Variants in SEMA4D observed in about 807,000 individuals in gnomAD.
SEMA4D encodes semaphorin 4D.
In SEMA4D, 22 loss-of-function variants were observed where a neutral mutation model predicts 74.8. The observed-to-expected ratio is 0.29, with a 90% confidence interval of 0.21 to 0.42. The LOEUF (loss-of-function observed/expected upper bound fraction) is 0.42, where lower values mean the gene tolerates loss of function less well. Among genes scored for constraint, SEMA4D ranks in the 10% least tolerant of loss-of-function variants. SEMA4D has a pLI of 1.00. For missense variants in SEMA4D, 937 were observed against 1,118.4 expected (o/e 0.84, Z 2.31); for synonymous variants, 445 against 463.7 (o/e 0.96, Z 0.52).
intron 2 of SEMA4D, among the ~76,000 whole-genome samples, chr9:89,451,725 G>T (rs1854550994): frequency 2.0e-5 from 3 of 151,770 alleles, no homozygotes; most frequent in Non-Finnish European, 4.4e-5. Context: ...TAAACACATT[G>T]AAAATGAAAT....
chr9:89,459,973 C>T (rs1361888305), intron 1 of SEMA4D, among the ~76,000 whole-genome samples: 1 of 152,162 alleles, frequency 6.6e-6, no homozygotes, highest in African/African-American at 2.4e-5. Flanking sequence ...CTCTGCGTTC[C>T]AGAAACAACT....
In SEMA4D at chr9:89,403,030, G is replaced by A; in HGVS notation, c.107-14C>T. 2 of 1,599,652 alleles carry A rather than the reference G, an allele frequency of 1.3e-6. No homozygotes were observed. Among genetic ancestry groups the A allele is most frequent in the South Asian group, 1.1e-5 (1 of 90,770 alleles). On this transcript the variant is annotated splice_polypyrimidine_tract_variant and intron_variant, in intron 3 of 15. Transcript: ENST00000422704. ...CCAGGTGCACCTCTGTGGGATGCAA[G>A]GGCAGGGTCAGAGTGGGAGGAAGAA...
intron 1 of SEMA4D, among the ~76,000 whole-genome samples, chr9:89,457,134 C>G (rs576163244): frequency 8.5e-5 from 13 of 152,226 alleles, no homozygotes; most frequent in African/African-American, 2.9e-4. Context: ...GCAGGATGGT[C>G]GCTTTCATCT....
chr9:89,373,404 T>C (rs910129615), downstream of SEMA4D, among the ~76,000 whole-genome samples: 3 of 151,976 alleles, frequency 2.0e-5, no homozygotes, highest in African/African-American at 7.3e-5. Flanking sequence ...ATCTCCTGGG[T>C]GACACATGGG....
intron 6 of SEMA4D, among the ~76,000 whole-genome samples, chr9:89,394,492 A>G (rs1270539741): frequency 6.6e-6 from 1 of 152,248 alleles, no homozygotes; most frequent in Non-Finnish European, 1.5e-5. Context: ...GACAGCACAG[A>G]CGAGAGAGGG....
intron 2 of SEMA4D, 97 bp from the exon 3 acceptor site, chr9:89,405,796 C>A (rs905886475): frequency 1.5e-6 from 2 of 1,297,664 alleles, no homozygotes; most frequent in African/African-American, 1.5e-5. Flanking sequence ...GATCCTCACC[C>A]GGGTCCATCT....
intron 1 of SEMA4D, chr9:89,472,199 C>G (rs530748380): frequency 4.9e-6 from 1 of 205,148 alleles, no homozygotes; most frequent in East Asian, 1.6e-4. Flanking sequence ...AAACACATCC[C>G]AAGGGTGAAG....
downstream of SEMA4D, among the ~76,000 whole-genome samples, chr9:89,375,715 GC>G (rs1835697127): frequency 1.3e-5 from 2 of 152,312 alleles, no homozygotes; most frequent in African/African-American, 4.8e-5. Flanking sequence ...ACCACGCACT[GC>G]CTGAAGCACA....
At chr9:89,388,493 C>T in intron 11 of SEMA4D, 143 bp downstream of exon 11, 1 of 928,406 alleles carries the variant, frequency 1.1e-6, no homozygotes, top group East Asian at 2.8e-5. Context: ...ATGAGCTGTG[C>T]TCATCGGCCG....
At chr9:89,481,080 G>A (rs533355614) in intron 1 of SEMA4D, among the ~76,000 whole-genome samples, 113 of 152,346 alleles carry the variant, frequency 7.4e-4, no homozygotes, top group African/African-American at 2.5e-3. Flanking sequence ...CAGAACCTGG[G>A]ACACACTAGG....
At chr9:89,460,328 GA>G (rs962569541) in intron 1 of SEMA4D, among the ~76,000 whole-genome samples, 2 of 152,198 alleles carry the variant, frequency 1.3e-5, no homozygotes, top group Non-Finnish European at 2.9e-5. Flanking sequence ...ACCCTACAAA[GA>G]AAAGCCCTTT....
chr9:89,447,797 CAG>C (rs1853330468), intron 2 of SEMA4D, among the ~76,000 whole-genome samples: 1 of 148,896 alleles, frequency 6.7e-6, no homozygotes, highest in Admixed American at 6.8e-5. Flanking sequence ...ACCACCACTT[CAG>C]TGCTCCCTGG....
intron 2 of SEMA4D, among the ~76,000 whole-genome samples, chr9:89,429,009 T>C (rs1391234161): frequency 6.7e-6 from 1 of 149,986 alleles, no homozygotes. Flanking sequence ...GTGGGGGGGG[T>C]CTCCCCTTCC....
At chr9:89,432,061 T>C (rs564075450) in intron 2 of SEMA4D, among the ~76,000 whole-genome samples, 2 of 152,032 alleles carry the variant, frequency 1.3e-5, no homozygotes, top group African/African-American at 4.8e-5. Context: ...AGGAGAGGCA[T>C]ATTTACATGG....
At chr9:89,390,018 G>A (rs1198690186) in intron 9 of SEMA4D, among the ~76,000 whole-genome samples, 18 of 152,184 alleles carry the variant, frequency 1.2e-4, no homozygotes, top group Admixed American at 1.2e-3. Flanking sequence ...AGGGATCAGA[G>A]GGGATGACAG....
At chr9:89,402,744 G>A in intron 4 of SEMA4D, 127 bp downstream of exon 4, 2 of 1,003,090 alleles carry the variant, frequency 2.0e-6, no homozygotes, top group Non-Finnish European at 1.5e-6. Flanking sequence ...CCCAAAGATG[G>A]GGCTGCATGG....
At chr9:89,416,817 G>A (rs756261753) in intron 2 of SEMA4D, among the ~76,000 whole-genome samples, 2 of 152,200 alleles carry the variant, frequency 1.3e-5, no homozygotes, top group Non-Finnish European at 2.9e-5. Flanking sequence ...CAAGTCAGTA[G>A]ACCAAAAATT....
intron 2 of SEMA4D, among the ~76,000 whole-genome samples, chr9:89,444,031 G>A (rs1009294082): frequency 2.3e-4 from 35 of 152,182 alleles, no homozygotes; most frequent in Non-Finnish European, 4.9e-4. Context: ...ATGCCCAAAG[G>A]AAATCCAAGC....
At position 89,453,430 on chromosome 9, in the gene SEMA4D, G is replaced by T. The variant is rs1284312559; in HGVS notation, c.-244+2458C>A. Among the ~76,000 whole-genome samples, 3 of 152,226 alleles carry T rather than the reference G, an allele frequency of 2.0e-5. No individual in the cohort carries two copies. In the East Asian group the frequency reaches 5.8e-4, roughly 29 times the overall value. On this transcript the variant is annotated intron_variant, in intron 2 of 15. Transcript: ENST00000422704. Reference sequence around the variant, plus strand: ...GGCTCTCTGGCTCCCCCAGACAGATGTCCAAGCCAACCTGTGCTCCTTTCT... The same window carrying T: ...GGCTCTCTGGCTCCCCCAGACAGATTTCCAAGCCAACCTGTGCTCCTTTCT...
Sources: allele counts gnomAD v4.1 joint callset (sites outside exome capture counted in the v4.1 genomes callset), GRCh38; gene constraint gnomAD v4.1.1; transcripts MANE v1.5; gene names NCBI Gene and HGNC (gene_info 2026-07-23, HGNC 2026-07-21).